EYS: variants seen among roughly 807,000 people sequenced by gnomAD.
The protein encoded by EYS is protein eyes shut homolog.
In EYS, 250 loss-of-function variants were observed where a neutral mutation model predicts 282.1. The observed-to-expected ratio is 0.89, with a 90% confidence interval of 0.80 to 0.98. EYS has a LOEUF of 0.98. EYS is among the 50% of genes least tolerant of loss of function. The pLI, the probability that EYS is intolerant of heterozygous loss-of-function variation, is 0.00. For synonymous variants in EYS, 1,355 were observed against 1,282.9 expected (o/e 1.06, Z -1.20); for missense variants, 4,016 against 3,709.0 (o/e 1.08, Z -2.15).
intron 12 of EYS, among the ~76,000 whole-genome samples, chr6:65,079,168 T>G (rs889488283): frequency 6.6e-6 from 1 of 152,104 alleles, no homozygotes; most frequent in Non-Finnish European, 1.5e-5. Context: ...GTATTGTGCA[T>G]GAAATTGATC....
chr6:63,805,211 T>C (rs999357183), intron 37 of EYS, among the ~76,000 whole-genome samples: 3 of 152,234 alleles, frequency 2.0e-5, no homozygotes, highest in African/African-American at 7.2e-5. Context: ...AGGTGATTAA[T>C]TGCTTAACTG....
At chr6:64,699,122 C>A (rs908548062) in intron 22 of EYS, among the ~76,000 whole-genome samples, 14 of 152,030 alleles carry the variant, frequency 9.2e-5, no homozygotes, top group African/African-American at 2.9e-4. Context: ...ACATATATAC[C>A]ATAGAATATT....
intron 26 of EYS, among the ~76,000 whole-genome samples, chr6:64,558,602 T>C (rs1765306776): frequency 6.6e-6 from 1 of 152,126 alleles, no homozygotes; most frequent in Non-Finnish European, 1.5e-5. Context: ...TATTTCAGAA[T>C]TCCCATCTCC....
intron 30 of EYS, among the ~76,000 whole-genome samples, chr6:64,283,147 T>C (rs1768369953): frequency 6.6e-6 from 1 of 152,216 alleles, no homozygotes; most frequent in Non-Finnish European, 1.5e-5. Flanking sequence ...AATACTTTTA[T>C]GTTATCTGGT....
chr6:65,212,570 C>T (rs890543764), intron 12 of EYS, among the ~76,000 whole-genome samples: 3 of 151,998 alleles, frequency 2.0e-5, no homozygotes, highest in Non-Finnish European at 4.4e-5. Context: ...ATAAATTTGT[C>T]AGTCTGAGTA....
chr6:65,587,384 A>G (rs1221088540), intron 2 of EYS, among the ~76,000 whole-genome samples: 1 of 152,104 alleles, frequency 6.6e-6, no homozygotes, highest in Non-Finnish European at 1.5e-5. Flanking sequence ...GAGGTAATTG[A>G]ATCGTGGGGG....
At chr6:64,197,348 G>A (rs1394164947) in intron 31 of EYS, among the ~76,000 whole-genome samples, 1 of 152,026 alleles carries the variant, frequency 6.6e-6, no homozygotes, top group African/African-American at 2.4e-5. Flanking sequence ...TCTGTAGATG[G>A]GTAAATCTAT....
At chr6:64,964,794 G>A (rs944178811) in intron 14 of EYS, among the ~76,000 whole-genome samples, 3 of 152,036 alleles carry the variant, frequency 2.0e-5, no homozygotes, top group Non-Finnish European at 4.4e-5. Context: ...GACATTGGGA[G>A]GCCAAGGCAG....
At chr6:64,386,626 G>A (rs925498215) in intron 29 of EYS, among the ~76,000 whole-genome samples, 1 of 152,050 alleles carries the variant, frequency 6.6e-6, no homozygotes, top group Non-Finnish European at 1.5e-5. Flanking sequence ...TGATAAACCT[G>A]CCGTTTTCCC....
chr6:63,902,846 G>A (rs1025239648), intron 35 of EYS, among the ~76,000 whole-genome samples: 3 of 152,054 alleles, frequency 2.0e-5, no homozygotes, highest in African/African-American at 7.3e-5. Context: ...GGCGGTAACA[G>A]TATATGAATA....
At chr6:64,475,849 T>A (rs1223328808) in intron 26 of EYS, among the ~76,000 whole-genome samples, 3 of 152,174 alleles carry the variant, frequency 2.0e-5, no homozygotes, top group Non-Finnish European at 4.4e-5. Context: ...TGCAATAGCA[T>A]GTTCATAGCT....
At chr6:63,955,528 C>T (rs934948437) in intron 35 of EYS, among the ~76,000 whole-genome samples, 1 of 152,184 alleles carries the variant, frequency 6.6e-6, no homozygotes, top group Non-Finnish European at 1.5e-5. Flanking sequence ...ACTACACTAT[C>T]AATCTCACTC....
chr6:64,832,348 T>C (rs1366315281), intron 19 of EYS, among the ~76,000 whole-genome samples: 2 of 151,874 alleles, frequency 1.3e-5, no homozygotes, highest in East Asian at 3.9e-4. Context: ...TCTGTTATGA[T>C]TAAAATAAAC....
chr6:65,593,345 G>A (rs956396200), intron 2 of EYS, among the ~76,000 whole-genome samples: 6 of 151,926 alleles, frequency 3.9e-5, no homozygotes, highest in Non-Finnish European at 8.8e-5. Context: ...GAGACTTTTT[G>A]CTTCTCTATA....
intron 35 of EYS, among the ~76,000 whole-genome samples, chr6:63,940,800 A>G (rs932358097): frequency 6.6e-6 from 1 of 151,360 alleles, no homozygotes; most frequent in Admixed American, 6.6e-5. Context: ...CATCATTTAC[A>G]TTAGGTATTT....
intron 14 of EYS, among the ~76,000 whole-genome samples, chr6:64,977,839 A>C (rs894180281): frequency 6.6e-6 from 1 of 151,972 alleles, no homozygotes; most frequent in African/African-American, 2.4e-5. Context: ...CCCAATCTAG[A>C]GCAAGAACTT....
intron 12 of EYS, among the ~76,000 whole-genome samples, chr6:65,074,136 A>G (rs1041886672): frequency 6.6e-6 from 1 of 152,066 alleles, no homozygotes; most frequent in African/African-American, 2.4e-5. Context: ...AAATATGAAA[A>G]TAAAACGGAA....
At chr6:65,394,242 G>A (rs1020579043) in intron 7 of EYS, among the ~76,000 whole-genome samples, 29 of 152,184 alleles carry the variant, frequency 1.9e-4, no homozygotes, top group Middle Eastern at 3.4e-3. Flanking sequence ...GTGTGTGTGT[G>A]TGTGTGTGCA....
intron 11 of EYS, among the ~76,000 whole-genome samples, chr6:65,323,918 C>T (rs185013029): frequency 9.2e-5 from 14 of 152,116 alleles, no homozygotes; most frequent in African/African-American, 3.4e-4. Flanking sequence ...TTCTAAGGTT[C>T]TATTTAATCT....
Sources: gnomAD v4.1 joint callset for allele counts (sites outside exome capture counted in the v4.1 genomes callset) on GRCh38, gnomAD v4.1.1 for gene constraint, MANE v1.5 for transcripts, NCBI Gene and HGNC (gene_info 2026-07-23, HGNC 2026-07-21) for gene names.